NPAS2: variants seen among roughly 807,000 people sequenced by gnomAD.
NPAS2 encodes neuronal PAS domain-containing protein 2.
In NPAS2, 23 loss-of-function variants were observed where a neutral mutation model predicts 107.5. The observed-to-expected ratio is 0.21, with a 90% CI of 0.15 to 0.30. NPAS2 has a LOEUF of 0.30. Ranked by LOEUF, NPAS2 falls within the 10% of genes least tolerant of loss-of-function variation. The pLI is 1.00. For missense variants in NPAS2, 756 were observed against 1,043.3 expected, an observed-to-expected ratio of 0.72 and a Z score of 3.79; for synonymous variants, 403 against 417.5, an observed-to-expected ratio of 0.97 and a Z score of 0.42.
At chr2:100,850,193 A>G (rs763077477) in intron 1 of NPAS2, among the ~76,000 whole-genome samples, 26 of 152,200 alleles carry the variant, frequency 1.7e-4, no homozygotes, top group Non-Finnish European at 3.5e-4. Flanking sequence ...CTTTAGAGGA[A>G]TTTGCAGAAA....
At position 100,842,289 on chromosome 2, in the gene NPAS2, A is replaced by T. The variant is rs148240144; in HGVS notation, c.-23+21875A>T. ...TAAAAGGTTGGGGTGAGAACCCAGGATCCTTTCCATCCCATCTCCAAGGAG... is the reference window on the plus strand; with the variant it reads ...TAAAAGGTTGGGGTGAGAACCCAGGTTCCTTTCCATCCCATCTCCAAGGAG... On this transcript the variant is annotated intron_variant, in intron 1 of 20. Transcript: ENST00000335681. 2.0e-3 allele frequency among the ~76,000 whole-genome samples: 306 copies of T among 152,236 alleles called. 4 individuals carry two copies. Among genetic ancestry groups the T allele is most frequent in the African/African-American group, 7.0e-3 (291 of 41,536 alleles).
chr2:100,979,281 C>G (rs58587478), intron 15 of NPAS2, among the ~76,000 whole-genome samples: 4,079 of 151,760 alleles, frequency 0.027, 191 homozygotes, highest in African/African-American at 0.093. Context: ...TTTAAATTTC[C>G]AAGGCCTATT....
chr2:100,891,726 C>G (rs758068519), intron 1 of NPAS2, among the ~76,000 whole-genome samples: 7 of 152,212 alleles, frequency 4.6e-5, no homozygotes, highest in Non-Finnish European at 7.3e-5. Flanking sequence ...ATTTGAAACT[C>G]TTGATATTAA....
chr2:100,925,456 C>T (rs566206717), intron 3 of NPAS2, among the ~76,000 whole-genome samples, 162 bp downstream of exon 3: 13 of 152,308 alleles, frequency 8.5e-5, no homozygotes, highest in Non-Finnish European at 1.5e-4. Context: ...TCTATCAGCC[C>T]GTCTCTGGCT....
At position 100,995,602 on chromosome 2, in the gene NPAS2, G is replaced by T; in HGVS notation, c.*20G>T. ...CGATAATGCCCCGGCACTGAAGTCGGGACACAATCAGCTTTAACCAATGGA... is the reference window on the plus strand; with the variant it reads ...CGATAATGCCCCGGCACTGAAGTCGTGACACAATCAGCTTTAACCAATGGA... On this transcript the variant is annotated 3_prime_UTR_variant, in exon 21 of 21. Transcript: ENST00000335681. The T allele has an allele frequency of 6.3e-7, 1 of 1,596,268 alleles. No homozygotes were observed. The highest frequency in any genetic ancestry group is 2.2e-5 in the East Asian group (1 of 44,630).
intron 3 of NPAS2, among the ~76,000 whole-genome samples, chr2:100,930,311 A>T (rs356648): frequency 0.83 from 126,478 of 152,248 alleles, 52,823 homozygotes; most frequent in East Asian, 1. Context: ...AGGGTAATAT[A>T]TACCCAGGAC....
chr2:100,991,092 C>T (rs971115889), intron 19 of NPAS2, among the ~76,000 whole-genome samples: 2 of 152,206 alleles, frequency 1.3e-5, no homozygotes, highest in Admixed American at 1.3e-4. Context: ...TACAGCAGCA[C>T]TGAATGAAAC....
At position 100,968,198 on chromosome 2, in the gene NPAS2, G is replaced by C. The variant is rs774071049; in HGVS notation, c.908-83G>C. On this transcript the variant is annotated intron_variant, in intron 10 of 20. Transcript: ENST00000335681. The surrounding 1 kb of genome is among the most constrained non-coding windows in gnomAD (Gnocchi z 5.3). ...TTTGGTATTGTCTTTTTTTTTGAAA[G>C]CTTATCTTTACAATAACTCTTGGGG... The C allele has an allele frequency of 2.1e-6, 3 of 1,439,616 alleles. No individual in the cohort carries two copies. The highest frequency in any genetic ancestry group is 1.9e-6 in the Non-Finnish European group (2 of 1,043,172). The allele number at this position is 1,439,616 out of a possible 1,614,324, so 89.2% of individuals were successfully genotyped here.
chr2:100,873,233 C>T (rs1431054720), intron 1 of NPAS2, among the ~76,000 whole-genome samples: 11 of 114,642 alleles, frequency 9.6e-5, no homozygotes, highest in African/African-American at 3.8e-4. Flanking sequence ...GCCTGGGCGA[C>T]AGAGCGAGAC....
At chr2:100,957,950 A>G (rs977271458) in intron 7 of NPAS2, among the ~76,000 whole-genome samples, 2 of 152,194 alleles carry the variant, frequency 1.3e-5, no homozygotes, top group African/African-American at 2.4e-5. Flanking sequence ...TCTTTGCTTT[A>G]CGGGGTCCTA....
chr2:100,889,703 A>G (rs558105067), intron 1 of NPAS2, among the ~76,000 whole-genome samples: 22 of 152,146 alleles, frequency 1.4e-4, no homozygotes, highest in Non-Finnish European at 2.6e-4. Flanking sequence ...GCAATCACCA[A>G]TGGATCCCAA....
Position 100,975,390 on chromosome 2 carries a change from G to A in NPAS2, c.1283-68G>A, listed in dbSNP as rs111294923. Reference sequence around the variant, plus strand: ...TGTACTGTGCACACCACGGTCATGGGTCCCCTCTTCGGATGAGTACATGCT... The same window carrying A: ...TGTACTGTGCACACCACGGTCATGGATCCCCTCTTCGGATGAGTACATGCT... On this transcript the variant is annotated intron_variant, in intron 13 of 20. Transcript: ENST00000335681. 3.1e-4 allele frequency: 419 copies of A among 1,371,800 alleles called. 4 individuals are homozygous for A. The African/African-American group carries it at 5.4e-3, about 18-fold the overall frequency. The allele number at this position is 1,371,800 out of a possible 1,614,324, so 85.0% of individuals were successfully genotyped here.
Position 100,995,632 on chromosome 2 carries a change from G to C in NPAS2, c.*50G>C, listed in dbSNP as rs752003277. On this transcript the variant is annotated 3_prime_UTR_variant, in exon 21 of 21. Transcript: ENST00000335681. ...CAATCAGCTTTAACCAATGGATGAGGGGGGTGGCCACAGGAGATGGGGAGA... is the reference window on the plus strand; with the variant it reads ...CAATCAGCTTTAACCAATGGATGAGCGGGGTGGCCACAGGAGATGGGGAGA... The C allele has an allele frequency of 6.3e-7, 1 of 1,576,094 alleles. No homozygotes were observed. The highest frequency in any genetic ancestry group is 1.8e-5 in the Admixed American group (1 of 55,320).
Position 100,820,205 on chromosome 2 carries a change from C to G in NPAS2, c.-232C>G, listed in dbSNP as rs888719093. ...AGGAGCCGAGGGACCCGCGCGGCTG[C>G]GGCCCAGGAGCGGCGGCCGCGGAGC... On this transcript the variant is annotated 5_prime_UTR_variant, in exon 1 of 21. Coordinates refer to ENST00000335681, the MANE Select transcript of NPAS2 (RefSeq NM_002518.4). This position sits in a 1 kb window ranked among gnomAD's most constrained non-coding sequence, Gnocchi z 5.6. 6.7e-6 allele frequency: 1 copy of G among 149,790 alleles called. No individual in the cohort carries two copies. Among genetic ancestry groups the G allele is most frequent in the Non-Finnish European group, 1.5e-5 (1 of 67,184 alleles). 9.3% of individuals were successfully genotyped at this position (149,790 alleles called of 1,614,324 possible).
At chr2:100,978,127 C>G (rs1424081616) in intron 15 of NPAS2, among the ~76,000 whole-genome samples, 1 of 152,014 alleles carries the variant, frequency 6.6e-6, no homozygotes, top group Non-Finnish European at 1.5e-5. Context: ...TACACTGTAC[C>G]CAATATGTAG....
intron 1 of NPAS2, among the ~76,000 whole-genome samples, chr2:100,844,318 A>G (rs1013799497): frequency 3.3e-5 from 5 of 152,322 alleles, no homozygotes; most frequent in Admixed American, 6.5e-5. Context: ...TGGGAGAGTC[A>G]GGGGTTTTGA....
intron 1 of NPAS2, among the ~76,000 whole-genome samples, chr2:100,865,006 G>A (rs1310807743): frequency 6.6e-6 from 1 of 152,202 alleles, no homozygotes; most frequent in African/African-American, 2.4e-5. Flanking sequence ...TCAATGTCCA[G>A]CTTCACAGAA....
At chr2:100,834,425 G>A (rs1186551783) in intron 1 of NPAS2, among the ~76,000 whole-genome samples, 2 of 152,196 alleles carry the variant, frequency 1.3e-5, no homozygotes, top group African/African-American at 4.8e-5. Context: ...ACAAGGACAA[G>A]GATGGACACG....
intron 4 of NPAS2, among the ~76,000 whole-genome samples, chr2:100,936,623 A>G (rs187589712): frequency 5.2e-4 from 79 of 152,294 alleles, no homozygotes; most frequent in Admixed American, 5.1e-3. Context: ...ATCAACTATC[A>G]GATACATATT....
Sources: gnomAD v4.1 joint callset for allele counts (sites outside exome capture counted in the v4.1 genomes callset) on GRCh38, gnomAD v4.1.1 for gene constraint, Gnocchi (gnomAD v3.1) non-coding constraint, MANE v1.5 for transcripts, NCBI Gene and HGNC (gene_info 2026-07-23, HGNC 2026-07-21) for gene names.